Variants in BCAR3 observed in about 807,000 individuals in gnomAD.
BCAR3 encodes the protein breast cancer anti-estrogen resistance protein 3.
A neutral mutation model predicts 80.1 loss-of-function variants in BCAR3; 37 were observed. That is an observed-to-expected ratio of 0.46 (90% CI 0.36 to 0.61). The LOEUF (loss-of-function observed/expected upper bound fraction) is 0.61, where lower values mean the gene tolerates loss of function less well. BCAR3 is among the 20% of genes least tolerant of loss of function. The pLI is 0.00. For synonymous variants in BCAR3, 389 were observed against 418.9 expected, an observed-to-expected ratio of 0.93 and a Z score of 0.87; for missense variants, 978 against 1,068.2, an observed-to-expected ratio of 0.92 and a Z score of 1.18.
intron 8 of BCAR3, among the ~76,000 whole-genome samples, chr1:93,574,972 A>ACAG (rs1314645512): frequency 1.3e-5 from 2 of 152,208 alleles, no homozygotes; most frequent in African/African-American, 4.8e-5. Context: ...CGAGGCCAAA[A>ACAG]CAGCAGCAGC....
At chr1:93,620,573 G>A (rs1022089277) in intron 3 of BCAR3, among the ~76,000 whole-genome samples, 2 of 152,040 alleles carry the variant, frequency 1.3e-5, no homozygotes, top group African/African-American at 2.4e-5. Context: ...CATTGCCTTG[G>A]GACCAAGCTA....
At chr1:93,682,810 C>G (rs1317048546), upstream of BCAR3, among the ~76,000 whole-genome samples, 1 of 152,190 alleles carries the variant, frequency 6.6e-6, no homozygotes, top group Non-Finnish European at 1.5e-5. Flanking sequence ...ACCTCGGCCT[C>G]CCAAAGTGCT....
At chr1:93,772,532 C>T (rs1186165353) in intron 2 of BCAR3, among the ~76,000 whole-genome samples, 1 of 152,174 alleles carries the variant, frequency 6.6e-6, no homozygotes, top group African/African-American at 2.4e-5. Flanking sequence ...TTGTTAGTTT[C>T]AGCTCTTCCT....
chr1:93,613,827 T>C, intron 3 of BCAR3: 2 of 1,550,166 alleles, frequency 1.3e-6, no homozygotes, highest in Non-Finnish European at 1.7e-6. Context: ...AGATGTACTT[T>C]ATTTCCAAAC....
chr1:93,579,405 T>C (rs9782878), intron 7 of BCAR3, among the ~76,000 whole-genome samples: 13,857 of 152,178 alleles, frequency 0.091, 2,086 homozygotes, highest in African/African-American at 0.31. Context: ...AGTTTCAACA[T>C]AGCCCTGCCC....
intron 4 of BCAR3, among the ~76,000 whole-genome samples, chr1:93,590,592 T>A (rs1674131242): frequency 6.6e-6 from 1 of 152,258 alleles, no homozygotes; most frequent in Non-Finnish European, 1.5e-5. Flanking sequence ...ATCGGTTTTA[T>A]AATTCTGACA....
chr1:93,582,249 C>T (rs941632657), intron 7 of BCAR3, 52 bp downstream of exon 7: 4 of 1,574,460 alleles, frequency 2.5e-6, no homozygotes, highest in African/African-American at 1.4e-5. Flanking sequence ...GGACCCCTAG[C>T]TCTTACCAAA....
rs1020126660 is a variant in BCAR3, at chr1:93,702,622, T to G, written c.-12+3470A>C. Among the ~76,000 whole-genome samples, 9 of 152,300 alleles carry G rather than the reference T, an allele frequency of 5.9e-5. No homozygotes were observed. The East Asian group carries it at 1.7e-3, about 29-fold the overall frequency. ...CTCTGCTGCTCCAGTCACAGAGCTC[T>G]CTCAGAGGCAGACATGAAGCCAAAG... On this transcript the variant is annotated intron_variant, in intron 3 of 13. Coordinates refer to the BCAR3 transcript ENST00000370244.
At chr1:93,655,755 C>G (rs1426685854) in intron 2 of BCAR3, among the ~76,000 whole-genome samples, 1 of 152,196 alleles carries the variant, frequency 6.6e-6, no homozygotes, top group Non-Finnish European at 1.5e-5. Flanking sequence ...GGTAAATCAG[C>G]TCTTTTAGGA....
chr1:93,578,197 G>A (rs1303696654), intron 7 of BCAR3, among the ~76,000 whole-genome samples: 1 of 152,128 alleles, frequency 6.6e-6, no homozygotes, highest in African/African-American at 2.4e-5. Flanking sequence ...GCTGCTGCAC[G>A]GACCCAGGAG....
chr1:93,705,632 T>C (rs1200165834), intron 3 of BCAR3, among the ~76,000 whole-genome samples: 3 of 152,234 alleles, frequency 2.0e-5, no homozygotes, highest in Admixed American at 1.3e-4. Flanking sequence ...CACAACTCTG[T>C]GGTGCTCCCA....
chr1:93,607,645 A>G (rs1335911554), intron 3 of BCAR3, among the ~76,000 whole-genome samples: 1 of 150,394 alleles, frequency 6.6e-6, no homozygotes, highest in African/African-American at 2.4e-5. Context: ...CTGTTCCCCA[A>G]CCACCTCTAT....
intron 2 of BCAR3, among the ~76,000 whole-genome samples, chr1:93,843,249 T>C (rs1340272385): frequency 6.6e-6 from 1 of 152,188 alleles, no homozygotes; most frequent in Non-Finnish European, 1.5e-5. Flanking sequence ...AATGTACAGC[T>C]GAGTAGGAGT....
intron 2 of BCAR3, among the ~76,000 whole-genome samples, chr1:93,830,010 T>G (rs1654502834): frequency 6.6e-6 from 1 of 152,186 alleles, no homozygotes; most frequent in Admixed American, 6.5e-5. Context: ...TCACTCTCTC[T>G]TCCTCCTACT....
chr1:93,790,633 CAT>C (rs1653113644), intron 2 of BCAR3, among the ~76,000 whole-genome samples: 1 of 84,202 alleles, frequency 1.2e-5, no homozygotes, highest in Non-Finnish European at 2.2e-5. Context: ...TTTTTGTATT[CAT>C]TTTTTTTTTT....
chr1:93,718,542 A>G (rs933647130), intron 2 of BCAR3, among the ~76,000 whole-genome samples: 22 of 152,278 alleles, frequency 1.4e-4, no homozygotes, highest in African/African-American at 5.1e-4. Context: ...CTGGGCCTCA[A>G]TTTCCTCAAC....
chr1:93,747,201 G>T (rs1271175939), intron 2 of BCAR3, among the ~76,000 whole-genome samples: 1 of 152,160 alleles, frequency 6.6e-6, no homozygotes, highest in Non-Finnish European at 1.5e-5. Flanking sequence ...GTGCACACAT[G>T]CAACCTTGGC....
chr1:93,576,102 C>T lies in BCAR3; in HGVS notation c.1714G>A (p.Glu572Lys). 6.2e-7 allele frequency: 1 copy of T among 1,614,198 alleles called. No individual in the cohort carries two copies. The highest frequency in any genetic ancestry group is 8.5e-7 in the Non-Finnish European group (1 of 1,180,040). The change falls in exon 8 of 12, where the codon GAG becomes AAG. Residue 572 changes from glutamate to lysine, a missense_variant. Glu to Lys is a moderately conservative substitution (Grantham distance 56). Transcript: ENST00000260502. ...RVARILGVSE[E>K]MRRNMGVSSG... ...CTCACCCCCATGTTCCTCCTCATCTCTTCAGAGACTCCAAGTATCCTAGCA... is the reference window on the plus strand; with the variant it reads ...CTCACCCCCATGTTCCTCCTCATCTTTTCAGAGACTCCAAGTATCCTAGCA...
At chr1:93,661,648 C>T (rs539956206) in intron 2 of BCAR3, among the ~76,000 whole-genome samples, 5 of 152,124 alleles carry the variant, frequency 3.3e-5, no homozygotes, top group Admixed American at 1.3e-4. Flanking sequence ...TCACCACACC[C>T]GGCTAAATTT....
Sources: allele counts gnomAD v4.1 joint callset (sites outside exome capture counted in the v4.1 genomes callset), GRCh38; gene constraint gnomAD v4.1.1; transcripts MANE v1.5; gene names NCBI Gene and HGNC (gene_info 2026-07-23, HGNC 2026-07-21).